Variants in ZZZ3 observed in about 807,000 individuals in gnomAD.
ZZZ3 encodes ZZ-type zinc finger-containing protein 3.
ZZZ3 carries 22 observed loss-of-function variants against 95.2 expected under a neutral mutation model. That is an observed-to-expected ratio of 0.23 (90% CI 0.17 to 0.33). The LOEUF (loss-of-function observed/expected upper bound fraction) is 0.33, where lower values mean the gene tolerates loss of function less well. ZZZ3 is among the 10% of genes least tolerant of loss of function. The pLI is 1.00. For missense variants in ZZZ3, 885 were observed against 1,066.5 expected (o/e 0.83, Z 2.37); for synonymous variants, 335 against 358.9 (o/e 0.93, Z 0.75).
chr1:77,617,437 T>A (rs1666423525), intron 5 of ZZZ3, among the ~76,000 whole-genome samples: 1 of 152,192 alleles, frequency 6.6e-6, no homozygotes, highest in Admixed American at 6.5e-5. Context: ...GGTTTCAAGA[T>A]TCATTCATAT....
intron 5 of ZZZ3, among the ~76,000 whole-genome samples, chr1:77,610,272 A>G (rs1665661868): frequency 6.6e-6 from 1 of 152,012 alleles, no homozygotes; most frequent in Non-Finnish European, 1.5e-5. Flanking sequence ...CCATGAAAAA[A>G]TCCAAAACCT....
At chr1:77,610,448 A>G (rs1366256945) in intron 5 of ZZZ3, among the ~76,000 whole-genome samples, 6 of 152,040 alleles carry the variant, frequency 3.9e-5, no homozygotes, top group Non-Finnish European at 7.4e-5. Flanking sequence ...AGGAGGGAAT[A>G]CTTCTAAATT....
At chr1:77,580,706 T>G in intron 9 of ZZZ3, 1 of 255,142 alleles carries the variant, frequency 3.9e-6, no homozygotes, top group Non-Finnish European at 7.7e-6. Flanking sequence ...CCTGGCTCAA[T>G]GCAACCTCTG....
chr1:77,648,673 C>G (rs1306372223), intron 1 of ZZZ3, among the ~76,000 whole-genome samples: 1 of 152,014 alleles, frequency 6.6e-6, no homozygotes, highest in Non-Finnish European at 1.5e-5. Flanking sequence ...CAGAGAGAAA[C>G]AAGAGTGGAA....
At chr1:77,613,646 A>G (rs1286945912) in intron 5 of ZZZ3, among the ~76,000 whole-genome samples, 3 of 152,096 alleles carry the variant, frequency 2.0e-5, no homozygotes, top group Non-Finnish European at 2.9e-5. Flanking sequence ...GAGGAAATAA[A>G]TTAAATTATC....
intron 1 of ZZZ3, among the ~76,000 whole-genome samples, chr1:77,651,778 G>A (rs1297889300): frequency 6.6e-6 from 1 of 152,158 alleles, no homozygotes; most frequent in Non-Finnish European, 1.5e-5. Context: ...AGCACTTTGG[G>A]AGGCCAAGGC....
intron 1 of ZZZ3, among the ~76,000 whole-genome samples, chr1:77,658,558 C>G (rs951750641): frequency 1.3e-5 from 2 of 149,454 alleles, no homozygotes; most frequent in Non-Finnish European, 3.0e-5. Context: ...GAGACAAGGT[C>G]TCCCTATGTT....
chr1:77,647,615 T>C (rs1418231408), intron 1 of ZZZ3, among the ~76,000 whole-genome samples: 1 of 152,050 alleles, frequency 6.6e-6, no homozygotes, highest in Non-Finnish European at 1.5e-5. Context: ...AGGTAATGAG[T>C]TCTGAGCATT....
At chr1:77,589,950 C>G (rs986772265) in intron 5 of ZZZ3, among the ~76,000 whole-genome samples, 4 of 152,062 alleles carry the variant, frequency 2.6e-5, no homozygotes, top group Non-Finnish European at 5.9e-5. Context: ...TGGTAATAAC[C>G]CTTAAGATTC....
intron 1 of ZZZ3, among the ~76,000 whole-genome samples, chr1:77,658,515 C>CTTTTTTTTTTTTTTT (rs111821277): frequency 1.5e-5 from 2 of 131,790 alleles, no homozygotes; most frequent in African/African-American, 2.6e-5. Context: ...CACATCCTGG[C>CTTTTTTTTTTTTTTT]TTTTTTTTTT....
chr1:77,590,748 T>C lies in ZZZ3; in HGVS notation c.1506-6093A>G, dbSNP rs74090666. Among the ~76,000 whole-genome samples the C allele has an allele frequency of 3.4e-3, 525 of 152,362 alleles. 3 individuals are homozygous for C. Among genetic ancestry groups the C allele is most frequent in the African/African-American group, 0.012 (500 of 41,582 alleles). On this transcript the variant is annotated intron_variant, in intron 5 of 14. Coordinates refer to ENST00000370801, the MANE Select transcript of ZZZ3 (RefSeq NM_015534.6). ...TTTTATTGTACCAATGTTAAATTGC[T>C]GGAGTATAATAATGGTATTTAAAGT...
At position 77,636,649 on chromosome 1, in the gene ZZZ3, G is replaced by C. The variant is rs538968561; in HGVS notation, c.-52+2800C>G. ...GGATCACTTGAGCCTGGGAAGTCAAGGGTGTAGTGATGTGACTGCCCTTCA... is the reference window on the plus strand; with the variant it reads ...GGATCACTTGAGCCTGGGAAGTCAACGGTGTAGTGATGTGACTGCCCTTCA... On this transcript the variant is annotated intron_variant, in intron 4 of 14. Transcript: ENST00000370801. Among the ~76,000 whole-genome samples, 8 of 149,262 alleles carry C rather than the reference G, an allele frequency of 5.4e-5. No individual in the cohort carries two copies. In the South Asian group the frequency reaches 1.7e-3, roughly 32 times the overall value.
chr1:77,632,116 A>G lies in ZZZ3; in HGVS notation c.1239T>C (p.Asn413=), dbSNP rs371399504. The G allele has an allele frequency of 1.4e-5, 23 of 1,613,980 alleles. No individual in the cohort carries two copies. The highest frequency in any genetic ancestry group is 1.9e-5 in the Non-Finnish European group (22 of 1,180,004). The change falls in exon 5 of 15, where the codon AAT becomes AAC. Residue 413 remains asparagine, a synonymous_variant. Transcript: ENST00000370801. ...GQFEENNLSP[N]ETNATVSDNV... is the part of the protein sequence containing the mutation. ...TATCACTAACAGTTGCATTTGTTTCATTAGGACTAAGATTATTCTCCTCAA... is the reference window on the plus strand; with the variant it reads ...TATCACTAACAGTTGCATTTGTTTCGTTAGGACTAAGATTATTCTCCTCAA...
At chr1:77,622,773 A>T (rs1186080257) in intron 5 of ZZZ3, among the ~76,000 whole-genome samples, 1 of 152,156 alleles carries the variant, frequency 6.6e-6, no homozygotes, top group East Asian at 1.9e-4. Context: ...ATCATAACTA[A>T]AACAAGTAGG....
intron 1 of ZZZ3, among the ~76,000 whole-genome samples, chr1:77,643,118 T>C (rs980015106): frequency 1.3e-5 from 2 of 151,676 alleles, no homozygotes; most frequent in African/African-American, 4.8e-5. Flanking sequence ...GGAGGATCCT[T>C]AGAGGGGCAG....
chr1:77,596,408 C>T (rs1490941776), intron 5 of ZZZ3, among the ~76,000 whole-genome samples: 3 of 151,992 alleles, frequency 2.0e-5, no homozygotes, highest in Non-Finnish European at 4.4e-5. Context: ...TTTTTTCAGA[C>T]TGGTGAGGTG....
At chr1:77,668,639 C>T (rs1413444663) in intron 1 of ZZZ3, among the ~76,000 whole-genome samples, 2 of 142,174 alleles carry the variant, frequency 1.4e-5, no homozygotes, top group African/African-American at 5.5e-5. Context: ...CAGAGCAAGA[C>T]CCTGTCTCAA....
chr1:77,653,482 G>A (rs1039531607), intron 1 of ZZZ3, among the ~76,000 whole-genome samples: 3 of 152,156 alleles, frequency 2.0e-5, no homozygotes, highest in Non-Finnish European at 2.9e-5. Flanking sequence ...GGCCAGGCGC[G>A]ATGGCTCACG....
chr1:77,639,313 A>G (rs985377515), intron 4 of ZZZ3, 136 bp downstream of exon 4: 3 of 590,452 alleles, frequency 5.1e-6, no homozygotes, highest in East Asian at 3.2e-5. Flanking sequence ...CCATACTCCT[A>G]TAAACAGCCA....
Sources: gnomAD v4.1 joint callset for allele counts (sites outside exome capture counted in the v4.1 genomes callset) on GRCh38, gnomAD v4.1.1 for gene constraint, MANE v1.5 for transcripts, NCBI Gene and HGNC (gene_info 2026-07-23, HGNC 2026-07-21) for gene names.